The following LMCD1 variants were observed in gnomAD, a reference collection of about 807,000 sequenced individuals.
The protein encoded by LMCD1 is LIM and cysteine-rich domains protein 1.
Under a neutral mutation model 42.7 loss-of-function variants are expected in LMCD1, and 32 were observed. The ratio of observed to expected loss-of-function variants is 0.75; its 90% CI spans 0.57 to 1.01. The LOEUF is 1.01. Among genes scored for constraint, LMCD1 ranks in the 50% least tolerant of loss-of-function variants. LMCD1 has a pLI of 0.00. For synonymous variants in LMCD1, 178 were observed against 184.9 expected (o/e 0.96, Z 0.30); for missense variants, 458 against 483.1 (o/e 0.95, Z 0.49).
In LMCD1 at chr3:8,511,248, T is replaced by C. The variant is rs181660383; in HGVS notation, c.42+9268T>C. Among the ~76,000 whole-genome samples, 7 of 152,344 alleles carry C rather than the reference T, an allele frequency of 4.6e-5. No homozygotes were observed. In the East Asian group the frequency reaches 1.3e-3, roughly 29 times the overall value. On this transcript the variant is annotated intron_variant, in intron 1 of 5. Coordinates refer to ENST00000157600, the MANE Select transcript of LMCD1 (RefSeq NM_014583.4). The stretch of plus-strand genomic sequence containing the variant: ...AAAAGACCTAATGAAGGTGAAATGG[T>C]AAAGAGAATAAACACATTACTTTGT...
At chr3:8,511,428 T>C (rs1574946539) in intron 1 of LMCD1, among the ~76,000 whole-genome samples, 1 of 152,198 alleles carries the variant, frequency 6.6e-6, no homozygotes, top group Non-Finnish European at 1.5e-5. Flanking sequence ...AGAAAAGGAA[T>C]AGCCTAATCA....
rs966832242 is a variant in LMCD1 at position 8,501,836 on chromosome 3, T to C, written c.-103T>C. On this transcript the variant is annotated 5_prime_UTR_variant, in exon 1 of 6. Coordinates refer to ENST00000157600, the MANE Select transcript of LMCD1 (RefSeq NM_014583.4). ...GCGCCTGGCTGCGCACAGAGCTCCC[T>C]CCCAGGCCCGCGAACTTGGCCATTC... 11 of 1,029,460 alleles carry C rather than the reference T, an allele frequency of 1.1e-5. No homozygotes were observed. The highest frequency in any genetic ancestry group is 1.6e-5 in the Non-Finnish European group (11 of 694,430). 63.8% of individuals were successfully genotyped at this position (1,029,460 alleles called of 1,614,324 possible). A position where few individuals can be genotyped will look rare whatever the true frequency, so the allele number is the denominator to read the frequency against.
At chr3:8,516,341 C>T (rs1694100081) in intron 1 of LMCD1, among the ~76,000 whole-genome samples, 1 of 152,160 alleles carries the variant, frequency 6.6e-6, no homozygotes, top group African/African-American at 2.4e-5. Flanking sequence ...GCAAACCTCT[C>T]ATAGCTCAGA....
At chr3:8,553,614 C>T (rs1236418124) in intron 4 of LMCD1, among the ~76,000 whole-genome samples, 5 of 152,314 alleles carry the variant, frequency 3.3e-5, no homozygotes, top group South Asian at 2.1e-4. Context: ...GCCCTACTGA[C>T]GAGACGGGGC....
rs547623059 is a variant in LMCD1, at chr3:8,527,888, G to C, written c.43-4849G>C. 8.3e-4 allele frequency among the ~76,000 whole-genome samples: 126 copies of C among 152,322 alleles called. 3 individuals carry two copies. The South Asian group carries it at 0.018, about 22-fold the overall frequency. ...TATGATATTTAGGCCAGTTTAAAAA[G>C]CGCTTGAGGAGTTAGGTATTTATAA... On this transcript the variant is annotated intron_variant, in intron 1 of 5. Transcript: ENST00000157600.
intron 1 of LMCD1, among the ~76,000 whole-genome samples, chr3:8,528,359 T>TG (rs1224212880): frequency 2.5e-4 from 38 of 152,106 alleles, no homozygotes; most frequent in African/African-American, 7.7e-4. Context: ...CTAGTTTTTT[T>TG]TTGTTGTTGT....
chr3:8,566,701 C>T (rs1478605772), intron 5 of LMCD1, among the ~76,000 whole-genome samples: 1 of 152,154 alleles, frequency 6.6e-6, no homozygotes, highest in Admixed American at 6.5e-5. Context: ...TCTCATTTCA[C>T]GTTTAAGAAA....
At chr3:8,543,519 G>A (rs1694676395) in intron 3 of LMCD1, among the ~76,000 whole-genome samples, 1 of 152,152 alleles carries the variant, frequency 6.6e-6, no homozygotes, top group Admixed American at 6.5e-5. Context: ...TTTGAGACAT[G>A]CTGCCCAGGC....
intron 1 of LMCD1, among the ~76,000 whole-genome samples, chr3:8,509,888 G>A (rs1166287427): frequency 6.6e-6 from 1 of 152,196 alleles, no homozygotes; most frequent in African/African-American, 2.4e-5. Flanking sequence ...AGGCAAGGGG[G>A]ACTATTGGCA....
At chr3:8,505,677 G>C (rs571811072) in intron 1 of LMCD1, among the ~76,000 whole-genome samples, 238 of 152,354 alleles carry the variant, frequency 1.6e-3, no homozygotes, top group African/African-American at 5.5e-3. Flanking sequence ...ATGCCCAAGG[G>C]GCATTAAATG....
chr3:8,554,925 C>T (rs1456011721), intron 4 of LMCD1, among the ~76,000 whole-genome samples: 13 of 152,154 alleles, frequency 8.5e-5, no homozygotes, highest in Admixed American at 7.8e-4. Flanking sequence ...TACTCTTTAG[C>T]ATTTACCATT....
chr3:8,546,484 G>A (rs1260544999), intron 3 of LMCD1, among the ~76,000 whole-genome samples: 3 of 152,150 alleles, frequency 2.0e-5, no homozygotes, highest in Non-Finnish European at 4.4e-5. Context: ...AAGAACCTGT[G>A]CAAAGAGACG....
chr3:8,572,116 C>T lies in LMCD1; in HGVS notation c.*4518C>T, dbSNP rs1482441289. 1 of 152,152 alleles carries T rather than the reference C, an allele frequency of 6.6e-6. No homozygotes were observed. The highest frequency in any genetic ancestry group is 1.5e-5 in the Non-Finnish European group (1 of 68,014). 9.4% of individuals were successfully genotyped at this position (152,152 alleles called of 1,614,324 possible). A position where few individuals can be genotyped will look rare whatever the true frequency, so the allele number is the denominator to read the frequency against. On this transcript the variant is annotated 3_prime_UTR_variant, in exon 6 of 6. Coordinates refer to ENST00000157600, the MANE Select transcript of LMCD1 (RefSeq NM_014583.4). ...AATTTGGAAGTGTTCTTTGTTCTTTCCTGAATGTTCATGACCTTGACATCT... is the reference window on the plus strand; with the variant it reads ...AATTTGGAAGTGTTCTTTGTTCTTTTCTGAATGTTCATGACCTTGACATCT...
At chr3:8,560,573 T>C (rs1243069893) in intron 4 of LMCD1, among the ~76,000 whole-genome samples, 2 of 152,140 alleles carry the variant, frequency 1.3e-5, no homozygotes, top group African/African-American at 2.4e-5. Context: ...CCCTTTTGTG[T>C]GGGAGGGAAA....
intron 1 of LMCD1, among the ~76,000 whole-genome samples, chr3:8,506,643 C>T (rs369706220): frequency 2.0e-4 from 30 of 152,318 alleles, no homozygotes; most frequent in East Asian, 1.2e-3. Context: ...GTTTGTGTCT[C>T]ATAAAGTGGA....
Position 8,548,864 on chromosome 3 carries a change from C to T in LMCD1, c.684C>T (p.Thr228=). ...PEGAETTAAT[T]NGSLSDPSKE... is the part of the protein sequence containing the mutation. Reference sequence around the variant, plus strand: ...GGGCAGAGACCACTGCTGCTACCACCAACGGCAGTCTCAGTGACCCGTCCA... The same window carrying T: ...GGGCAGAGACCACTGCTGCTACCACTAACGGCAGTCTCAGTGACCCGTCCA... Residue 228 remains threonine (T), a synonymous_variant, in exon 4 of 6, where the codon ACC becomes ACT. Coordinates refer to ENST00000157600, the MANE Select transcript of LMCD1 (RefSeq NM_014583.4). 6.4e-7 allele frequency: 1 copy of T among 1,562,216 alleles called. No homozygotes were observed. Among genetic ancestry groups the T allele is most frequent in the Non-Finnish European group, 8.7e-7 (1 of 1,149,754 alleles).
At chr3:8,522,510 C>A (rs1694225441) in intron 1 of LMCD1, among the ~76,000 whole-genome samples, 1 of 152,190 alleles carries the variant, frequency 6.6e-6, no homozygotes, top group South Asian at 2.1e-4. Flanking sequence ...GTGGGAGTCA[C>A]AGAAGCAACA....
intron 2 of LMCD1, among the ~76,000 whole-genome samples, chr3:8,533,917 C>T (rs1431567126): frequency 2.0e-5 from 3 of 151,802 alleles, no homozygotes; most frequent in Admixed American, 1.3e-4. Context: ...CAGAGGAGCT[C>T]GCACCGTCTT....
intron 5 of LMCD1, among the ~76,000 whole-genome samples, chr3:8,566,584 A>G (rs1483980900): frequency 6.6e-6 from 1 of 152,188 alleles, no homozygotes; most frequent in Admixed American, 6.5e-5. Flanking sequence ...ACAATTCTCT[A>G]TCATTTATTA....
Sources: allele counts gnomAD v4.1 joint callset (sites outside exome capture counted in the v4.1 genomes callset), GRCh38; gene constraint gnomAD v4.1.1; transcripts MANE v1.5; gene names NCBI Gene and HGNC (gene_info 2026-07-23, HGNC 2026-07-21).